The following RBFOX1 variants were observed in gnomAD, a reference collection of about 807,000 sequenced individuals.
RBFOX1 encodes RNA binding fox-1 homolog 1.
In RBFOX1, 8 loss-of-function variants were observed where a neutral mutation model predicts 57.7. The observed-to-expected ratio is 0.14, with a 90% CI of 0.08 to 0.25. The LOEUF (loss-of-function observed/expected upper bound fraction) is 0.25. Among genes scored for constraint, RBFOX1 ranks in the 10% least tolerant of loss-of-function variants. RBFOX1 has a pLI of 1.00. For missense variants in RBFOX1, 611 were observed against 548.5 expected, an observed-to-expected ratio of 1.11 and a Z score of -1.14; for synonymous variants, 326 against 222.4, an observed-to-expected ratio of 1.47 and a Z score of -4.15.
chr16:7,035,092 C>G (rs1394084901), intron 3 of RBFOX1, among the ~76,000 whole-genome samples: 2 of 151,728 alleles, frequency 1.3e-5, no homozygotes, highest in African/African-American at 2.4e-5. Context: ...AGGTGATCCA[C>G]CCGTCTTGGC....
rs945528454 is a variant in RBFOX1, at chr16:7,544,298, G to T, written c.270+25909G>T. 7.9e-5 allele frequency among the ~76,000 whole-genome samples: 12 copies of T among 152,280 alleles called. No individual in the cohort carries two copies. In the East Asian group the frequency reaches 1.9e-3, roughly 24 times the overall value. On this transcript the variant is annotated intron_variant, in intron 5 of 15. Coordinates refer to ENST00000550418, the MANE Select transcript of RBFOX1 (RefSeq NM_018723.4). ...TCATTGTGTGTCTGATTACTTACTGGCTATGTCACCTGGTTTATAAAATGG... is the reference window on the plus strand; with the variant it reads ...TCATTGTGTGTCTGATTACTTACTGTCTATGTCACCTGGTTTATAAAATGG...
chr16:6,709,719 G>C (rs2063391984), intron 3 of RBFOX1, among the ~76,000 whole-genome samples: 1 of 152,194 alleles, frequency 6.6e-6, no homozygotes, highest in African/African-American at 2.4e-5. Context: ...GGGTTTCGGT[G>C]GAACAGTTCC....
At chr16:6,022,579 G>A (rs2095104137) in intron 1 of RBFOX1, among the ~76,000 whole-genome samples, 1 of 152,086 alleles carries the variant, frequency 6.6e-6, no homozygotes, top group East Asian at 1.9e-4. Flanking sequence ...CTACCCTGGA[G>A]GCTGAAGTGG....
At chr16:6,127,699 C>A (rs73527957) in intron 1 of RBFOX1, among the ~76,000 whole-genome samples, 2,060 of 152,166 alleles carry the variant, frequency 0.014, 45 homozygotes, top group African/African-American at 0.047. Context: ...GAAATCAAGA[C>A]CTAAGAAAGG....
chr16:6,762,083 C>G (rs115166272), intron 3 of RBFOX1, among the ~76,000 whole-genome samples: 10 of 152,240 alleles, frequency 6.6e-5, no homozygotes, highest in Admixed American at 2.0e-4. Context: ...ACATGTGGTT[C>G]TATCTTCTGC....
At chr16:5,864,958 A>G (rs1178769904) in intron 3 of RBFOX1, among the ~76,000 whole-genome samples, 3 of 152,200 alleles carry the variant, frequency 2.0e-5, no homozygotes, top group African/African-American at 4.8e-5. Context: ...CAATGCCACA[A>G]TGGACAGCTA....
intron 3 of RBFOX1, among the ~76,000 whole-genome samples, chr16:6,836,718 A>G (rs1291047577): frequency 3.3e-5 from 5 of 152,328 alleles, no homozygotes; most frequent in East Asian, 3.9e-4. Context: ...CCTTGCTACA[A>G]TAACATAGTT....
intron 4 of RBFOX1, among the ~76,000 whole-genome samples, chr16:7,467,193 A>G (rs2060681346): frequency 6.6e-6 from 1 of 152,200 alleles, no homozygotes; most frequent in Non-Finnish European, 1.5e-5. Context: ...ATGTGCTAAT[A>G]TAAGAATTCT....
intron 2 of RBFOX1, among the ~76,000 whole-genome samples, chr16:6,574,344 C>A (rs1055593027): frequency 5.3e-5 from 8 of 151,060 alleles, no homozygotes; most frequent in Non-Finnish European, 1.2e-4. Flanking sequence ...TCTGCCTGTG[C>A]GTCAGTTTTT....
intron 1 of RBFOX1, among the ~76,000 whole-genome samples, chr16:6,201,539 G>A (rs565100520): frequency 1.3e-5 from 2 of 152,274 alleles, no homozygotes; most frequent in African/African-American, 4.8e-5. Flanking sequence ...AGTGGGGAGA[G>A]ATTGGGGATG....
At chr16:5,712,005 G>T (rs2051504528) in intron 3 of RBFOX1, among the ~76,000 whole-genome samples, 1 of 152,194 alleles carries the variant, frequency 6.6e-6, no homozygotes, top group Non-Finnish European at 1.5e-5. Flanking sequence ...CCTCATGGCT[G>T]GGAAGGCCTC....
At chr16:7,279,037 T>A (rs2095493133) in intron 4 of RBFOX1, among the ~76,000 whole-genome samples, 1 of 151,834 alleles carries the variant, frequency 6.6e-6, no homozygotes, top group South Asian at 2.1e-4. Context: ...GACGGATGGA[T>A]AAAAAGTCCT....
rs1189826793 is a variant in RBFOX1, at chr16:7,491,241, C to A, written c.28-26906C>A. On this transcript the variant is annotated intron_variant, in intron 4 of 15. Coordinates refer to ENST00000550418, the MANE Select transcript of RBFOX1 (RefSeq NM_018723.4). ...CCACATCCCTTTTTCTTGGGGTTTC[C>A]TCCGCAGGAACACTCCTTATCTGCG... Among the ~76,000 whole-genome samples the A allele has an allele frequency of 4.6e-5, 7 of 152,138 alleles. No individual in the cohort carries two copies. The East Asian group carries it at 1.4e-3, about 30-fold the overall frequency.
chr16:5,789,179 T>C (rs2054607428), intron 3 of RBFOX1, among the ~76,000 whole-genome samples: 1 of 152,206 alleles, frequency 6.6e-6, no homozygotes, highest in Non-Finnish European at 1.5e-5. Context: ...ACATGGCAGC[T>C]GGTGAATTGA....
intron 8 of RBFOX1, among the ~76,000 whole-genome samples, chr16:7,596,830 G>T (rs1568012449): frequency 6.6e-6 from 1 of 152,106 alleles, no homozygotes; most frequent in Non-Finnish European, 1.5e-5. Flanking sequence ...GAATGATTTT[G>T]TTAATTCTTG....
At chr16:7,026,463 T>C (rs2040968703) in intron 3 of RBFOX1, among the ~76,000 whole-genome samples, 1 of 152,154 alleles carries the variant, frequency 6.6e-6, no homozygotes, top group African/African-American at 2.4e-5. Flanking sequence ...TTTCTTCTTC[T>C]TTCATTTTTT....
intron 4 of RBFOX1, among the ~76,000 whole-genome samples, chr16:7,476,673 T>C (rs958369188): frequency 1.3e-5 from 2 of 152,102 alleles, no homozygotes; most frequent in African/African-American, 4.8e-5. Context: ...CTATAAACTG[T>C]ACAAAATTAA....
intron 3 of RBFOX1, among the ~76,000 whole-genome samples, chr16:6,666,584 G>T (rs1246802526): frequency 6.6e-6 from 1 of 151,196 alleles, no homozygotes; most frequent in Non-Finnish European, 1.5e-5. Flanking sequence ...AGGTCACCCA[G>T]GTGGTAACTG....
chr16:7,333,117 C>T, intron 4 of RBFOX1: 1 of 1,594,440 alleles, frequency 6.3e-7, no homozygotes, highest in Non-Finnish European at 8.6e-7. Context: ...CAGCCAGCAA[C>T]TTAACTCCAG....
Sources: allele counts gnomAD v4.1 joint callset (sites outside exome capture counted in the v4.1 genomes callset), GRCh38; gene constraint gnomAD v4.1.1; transcripts MANE v1.5; gene names NCBI Gene and HGNC (gene_info 2026-07-23, HGNC 2026-07-21).